PSD3: variants seen among roughly 807,000 people sequenced by gnomAD.
PSD3 encodes pleckstrin and Sec7 domain containing 3, also known as PH and SEC7 domain-containing protein 3.
PSD3 carries 49 observed loss-of-function variants against 105.5 expected under a neutral mutation model. The ratio of observed to expected loss-of-function variants is 0.46; its 90% CI spans 0.37 to 0.59. PSD3 has a LOEUF of 0.59. PSD3 is among the 20% of genes least tolerant of loss of function. The probability of loss-of-function intolerance (pLI) is 0.00; values close to 1 mark genes in which losing one functional copy is unlikely to be tolerated. For synonymous variants in PSD3, 557 were observed against 457.8 expected, an observed-to-expected ratio of 1.22 and a Z score of -2.77; for missense variants, 1,561 against 1,263.8, an observed-to-expected ratio of 1.24 and a Z score of -3.57.
At chr8:18,547,670 A>T (rs995845350) in intron 15 of PSD3, among the ~76,000 whole-genome samples, 5 of 152,222 alleles carry the variant, frequency 3.3e-5, no homozygotes, top group African/African-American at 1.2e-4. Flanking sequence ...AGGTATGTGT[A>T]AGCCATCTTG....
intron 9 of PSD3, among the ~76,000 whole-genome samples, chr8:18,742,212 G>T (rs982107334): frequency 6.6e-6 from 1 of 152,056 alleles, no homozygotes; most frequent in African/African-American, 2.4e-5. Context: ...ACCTCTTTAA[G>T]AAACCTGGTA....
At chr8:18,798,018 A>G (rs1183399045) in intron 8 of PSD3, among the ~76,000 whole-genome samples, 1 of 152,198 alleles carries the variant, frequency 6.6e-6, no homozygotes, top group Non-Finnish European at 1.5e-5. Context: ...CAGACAAAGC[A>G]GTGAAAACTT....
chr8:18,677,826 C>T (rs139686882), intron 9 of PSD3, among the ~76,000 whole-genome samples: 28,154 of 151,824 alleles, frequency 0.19, 2,916 homozygotes, highest in South Asian at 0.29. Flanking sequence ...CTGGCTAACA[C>T]GGTGAAACCC....
At chr8:18,987,414 A>G (rs1005141200) in intron 1 of PSD3, among the ~76,000 whole-genome samples, 2 of 152,006 alleles carry the variant, frequency 1.3e-5, no homozygotes, top group Non-Finnish European at 2.9e-5. Context: ...CAGCCTCCCA[A>G]GTAGCTGGAA....
At chr8:18,683,698 G>C in intron 9 of PSD3, 2 of 723,292 alleles carry the variant, frequency 2.8e-6, no homozygotes, top group Admixed American at 3.5e-5. Flanking sequence ...CTGCACATTA[G>C]ACACTGCCAA....
At position 18,872,040 on chromosome 8, in the gene PSD3, G is replaced by A; in HGVS notation, c.824C>T (p.Ala275Val). 8.1e-6 allele frequency: 13 copies of A among 1,614,190 alleles called. No individual in the cohort carries two copies. The highest frequency in any genetic ancestry group is 1.3e-5 in the African/African-American group (1 of 75,056). ...SVGFLKEQRS[A>V]LGREHPGGCD... ...TCCCCCTGGGTGCTCTCTCCCAAGAGCAGACCTCTGCTCTTTCAAGAAACC... is the reference window on the plus strand; with the variant it reads ...TCCCCCTGGGTGCTCTCTCCCAAGAACAGACCTCTGCTCTTTCAAGAAACC... The change falls in exon 3 of 16, where the codon GCT (alanine) becomes GTT (valine). Residue 275 changes from alanine (A) to valine (V), a missense_variant. By Grantham distance (64) the Ala-to-Val change is moderately conservative. Transcript: ENST00000327040.
intron 9 of PSD3, among the ~76,000 whole-genome samples, chr8:18,743,715 T>C (rs1216596593): frequency 6.6e-6 from 1 of 150,532 alleles, no homozygotes; most frequent in East Asian, 1.9e-4. Flanking sequence ...AGGGGGAAGA[T>C]TACTTGAGGC....
rs1209147570 is a variant in PSD3, at chr8:18,747,048, T to G, written c.2172+18401A>C. On this transcript the variant is annotated intron_variant, in intron 9 of 15. Transcript: ENST00000327040. ...CAGTTTTTAAATGGCGGTGTCACCTTTGTTCATATGAGATAATGTGAAGCT... is the reference window on the plus strand; with the variant it reads ...CAGTTTTTAAATGGCGGTGTCACCTGTGTTCATATGAGATAATGTGAAGCT... 5.3e-5 allele frequency among the ~76,000 whole-genome samples: 8 copies of G among 152,248 alleles called. No homozygotes were observed. In the East Asian group the frequency reaches 1.3e-3, roughly 26 times the overall value.
chr8:18,853,134 T>A (rs1815727411), intron 4 of PSD3, among the ~76,000 whole-genome samples: 1 of 152,124 alleles, frequency 6.6e-6, no homozygotes, highest in Admixed American at 6.5e-5. Flanking sequence ...ATTCTCTTTG[T>A]CATTTCTTAT....
At chr8:18,541,540 C>T (rs913400563) in intron 15 of PSD3, among the ~76,000 whole-genome samples, 22 of 152,122 alleles carry the variant, frequency 1.4e-4, no homozygotes, top group African/African-American at 5.1e-4. Flanking sequence ...TATTGAAGCT[C>T]ATAAGCCACC....
intron 3 of PSD3, among the ~76,000 whole-genome samples, chr8:18,868,442 A>C (rs555803483): frequency 2.6e-5 from 4 of 152,320 alleles, no homozygotes; most frequent in African/African-American, 9.6e-5. Flanking sequence ...TATATCATGG[A>C]AACTTGATAC....
In PSD3 at chr8:19,006,294, CAAAAAAA is replaced by C. The variant is rs58023537; in HGVS notation, c.21+7262_21+7268del. Among the ~76,000 whole-genome samples, 14 of 80,838 alleles carry C rather than the reference CAAAAAAA, an allele frequency of 1.7e-4. No homozygotes were observed. The East Asian group carries it at 2.6e-3, about 15-fold the overall frequency. 53.0% of individuals were successfully genotyped at this position (80,838 alleles called of 152,430 possible). ...GGGTGACAAGAGCGAAACTCCATCT[CAAAAAAA>C]AAAAAAAAAAAAGAATATATAAATA... On this transcript the variant is annotated intron_variant, in intron 1 of 15. Transcript: ENST00000327040.
chr8:18,839,006 G>A (rs1394650126), intron 4 of PSD3, among the ~76,000 whole-genome samples: 1 of 151,612 alleles, frequency 6.6e-6, no homozygotes, highest in African/African-American at 2.4e-5. Context: ...TCATACAAAT[G>A]GGATGACAGA....
Position 18,679,000 on chromosome 8 carries a change from T to G in PSD3, c.2173-23315A>C, listed in dbSNP as rs55809770. On this transcript the variant is annotated intron_variant, in intron 9 of 15. Coordinates refer to ENST00000327040, the MANE Select transcript of PSD3 (RefSeq NM_015310.4). The stretch of plus-strand genomic sequence containing the variant: ...TTTATGAGGTTAAAAATGTACTCCT[T>G]CAACTTAGGAATAACAAAAATATGT... Among the ~76,000 whole-genome samples the G allele has an allele frequency of 7.8e-5, 9 of 115,630 alleles. No homozygotes were observed. The East Asian group carries it at 1.3e-3, about 17-fold the overall frequency. 75.9% of individuals were successfully genotyped at this position (115,630 alleles called of 152,430 possible).
chr8:18,822,774 G>C (rs1032215204), intron 4 of PSD3, among the ~76,000 whole-genome samples: 1 of 152,176 alleles, frequency 6.6e-6, no homozygotes, highest in African/African-American at 2.4e-5. Flanking sequence ...CCACGGAAAA[G>C]TCATATGCTG....
In PSD3 at chr8:18,535,175, C is replaced by T. The variant is rs547097343; in HGVS notation, c.*568G>A. 2 of 154,046 alleles carry T rather than the reference C, an allele frequency of 1.3e-5. No homozygotes were observed. Among genetic ancestry groups the T allele is most frequent in the East Asian group, 3.8e-4 (2 of 5,202 alleles). 9.5% of individuals were successfully genotyped at this position (154,046 alleles called of 1,614,324 possible). A position where few individuals can be genotyped will look rare whatever the true frequency, so the allele number is the denominator to read the frequency against. On this transcript the variant is annotated 3_prime_UTR_variant, in exon 16 of 16. Coordinates refer to ENST00000327040, the MANE Select transcript of PSD3 (RefSeq NM_015310.4). ...TTCCCTGCTTCCAGCAGGGTCCGAT[C>T]TCAACAACAAGTGCTAAGCTGCACA...
Position 18,578,293 on chromosome 8 carries a change from A to G in PSD3, c.2482-3008T>C, listed in dbSNP as rs1326346902. Among the ~76,000 whole-genome samples, 3 of 152,228 alleles carry G rather than the reference A, an allele frequency of 2.0e-5. No homozygotes were observed. The South Asian group carries it at 6.2e-4, about 32-fold the overall frequency. On this transcript the variant is annotated intron_variant, in intron 12 of 15. Transcript: ENST00000327040. ...CTTATGTAACCATTCACTTGGGTTG[A>G]TAATTGCTGACAAAACTAATAAACA...
intron 2 of PSD3, among the ~76,000 whole-genome samples, chr8:18,913,086 A>ACAC (rs1820350128): frequency 1.2e-4 from 16 of 130,464 alleles, no homozygotes; most frequent in African/African-American, 2.0e-4. Context: ...CACACACACA[A>ACAC]ACACACACAC....
At chr8:19,018,346 T>G (rs1406886129), upstream of PSD3, among the ~76,000 whole-genome samples, 1 of 137,876 alleles carries the variant, frequency 7.3e-6, no homozygotes, top group African/African-American at 2.8e-5. Context: ...TGATTAATAT[T>G]AAATGCTCTT....
Sources: gnomAD v4.1 joint callset for allele counts (sites outside exome capture counted in the v4.1 genomes callset) on GRCh38, gnomAD v4.1.1 for gene constraint, MANE v1.5 for transcripts, NCBI Gene and HGNC (gene_info 2026-07-23, HGNC 2026-07-21) for gene names.